Variants in SLC5A10 observed in about 807,000 individuals in gnomAD.
SLC5A10 encodes the protein solute carrier family 5 member 10, also known as sodium/mannose cotransporter SLC5A10.
In SLC5A10, 55 loss-of-function variants were observed where a neutral mutation model predicts 68.9. The observed-to-expected ratio is 0.80, with a 90% confidence interval of 0.64 to 1.00. The LOEUF (loss-of-function observed/expected upper bound fraction) is 1.00, where lower values mean the gene tolerates loss of function less well. SLC5A10 is among the 50% of genes least tolerant of loss of function. SLC5A10 has a pLI of 0.00. For missense variants in SLC5A10, 732 were observed against 819.3 expected, an observed-to-expected ratio of 0.89 and a Z score of 1.30; for synonymous variants, 344 against 344.8, an observed-to-expected ratio of 1.00 and a Z score of 0.02.
chr17:18,964,771 G>T (rs2042677427), intron 5 of SLC5A10, among the ~76,000 whole-genome samples: 1 of 152,202 alleles, frequency 6.6e-6, no homozygotes, highest in South Asian at 2.1e-4. Flanking sequence ...CAAGAGCGGA[G>T]AGGCAGTGGG....
intron 5 of SLC5A10, among the ~76,000 whole-genome samples, chr17:18,961,489 G>C (rs1597818430): frequency 6.6e-6 from 1 of 152,148 alleles, no homozygotes; most frequent in Non-Finnish European, 1.5e-5. Context: ...GTTGGTGGTA[G>C]CAATGGGCAG....
chr17:18,978,899 C>T (rs961440786), intron 9 of SLC5A10: 203 of 1,592,010 alleles, frequency 1.3e-4, no homozygotes, highest in Admixed American at 2.0e-4. Context: ...CCTGCTTCCT[C>T]CGCCCAGCCC....
chr17:19,014,316 C>T (rs907518028), intron 10 of SLC5A10, among the ~76,000 whole-genome samples: 2 of 152,190 alleles, frequency 1.3e-5, no homozygotes, highest in Non-Finnish European at 2.9e-5. Flanking sequence ...CCTTAGGGCT[C>T]CTCACCCTCA....
intron 8 of SLC5A10, among the ~76,000 whole-genome samples, chr17:18,973,352 C>A (rs1281626874): frequency 6.6e-6 from 1 of 152,216 alleles, no homozygotes; most frequent in Non-Finnish European, 1.5e-5. Flanking sequence ...ATAAGGAGCC[C>A]GAGGCCCAGA....
rs1258441488 is a variant in SLC5A10, at chr17:19,018,128, C to T, written c.1242-1295C>T. 1 of 152,348 alleles carries T rather than the reference C, an allele frequency of 6.6e-6. No individual in the cohort carries two copies. Among genetic ancestry groups the T allele is most frequent in the African/African-American group, 2.4e-5 (1 of 41,436 alleles). The allele number at this position is 152,348 out of a possible 1,614,324, so 9.4% of individuals were successfully genotyped here. ...CACCTCCTTCCTCCACCCTCTCCCT[C>T]AGGCCTAGAAGGGAAGAAAGGGAGG... On this transcript the variant is annotated intron_variant, in intron 11 of 14. Transcript: ENST00000395645. This position sits in a 1 kb window ranked among gnomAD's most constrained non-coding sequence, Gnocchi z 4.2.
upstream of SLC5A10, chr17:18,951,641 A>G (rs2042369977): frequency 1.3e-5 from 2 of 152,512 alleles, no homozygotes; most frequent in Admixed American, 1.3e-4. Context: ...GCAGGACTTT[A>G]TTGTCCGACA....
In SLC5A10 at chr17:19,021,928, G is replaced by T; in HGVS notation, c.*1497G>T. Reference sequence around the variant, plus strand: ...CTCTGGACCTCAGTTCCTGTAAAAAGGCCCGTTGGCCAGATCGGCCGCCGG... The same window carrying T: ...CTCTGGACCTCAGTTCCTGTAAAAATGCCCGTTGGCCAGATCGGCCGCCGG... On this transcript the variant is annotated 3_prime_UTR_variant, in exon 15 of 15. Transcript: ENST00000395645. The surrounding 1 kb of genome is among the most constrained non-coding windows in gnomAD (Gnocchi z 4.1). 6.8e-7 allele frequency: 1 copy of T among 1,469,526 alleles called. No individual in the cohort carries two copies. The highest frequency in any genetic ancestry group is 9.0e-7 in the Non-Finnish European group (1 of 1,111,032). 91.0% of individuals were successfully genotyped at this position (1,469,526 alleles called of 1,614,324 possible). A position where few individuals can be genotyped will look rare whatever the true frequency, so the allele number is the denominator to read the frequency against.
chr17:18,998,168 C>G (rs145952157), intron 9 of SLC5A10, among the ~76,000 whole-genome samples: 1 of 152,378 alleles, frequency 6.6e-6, no homozygotes, highest in African/African-American at 2.4e-5. Flanking sequence ...CAGGGCCTGC[C>G]AGGCTGGGGC....
rs1359592953 is a variant in SLC5A10 at position 19,020,333 on chromosome 17, C to A, written c.1693C>A (p.Gln565Lys). Residue 565 changes from glutamine (Q) to lysine (K), a missense_variant, in exon 15 of 15, where the codon CAA becomes AAA. Gln to Lys is a moderately conservative substitution (Grantham distance 53). Coordinates refer to ENST00000395645, the MANE Select transcript of SLC5A10 (RefSeq NM_001042450.4). ...VPLGTKAGDGQTPQKHAFWAR... is the reference protein window; with the variant it reads ...VPLGTKAGDGKTPQKHAFWAR... ...TCTGCAACCCCCTCCAGGTGATGGC[C>A]AAACACCCCAGAAACACGCCTTCTG... is the stretch of plus-strand genomic sequence containing the variant. 6.2e-7 allele frequency: 1 copy of A among 1,614,060 alleles called. No homozygotes were observed. The highest frequency in any genetic ancestry group is 8.5e-7 in the Non-Finnish European group (1 of 1,180,036).
intron 5 of SLC5A10, among the ~76,000 whole-genome samples, chr17:18,964,271 C>A (rs531151533): frequency 6.6e-6 from 1 of 152,290 alleles, no homozygotes; most frequent in South Asian, 2.1e-4. Context: ...GGGGTCAGCT[C>A]GTTTTTTCTG....
Position 19,019,942 on chromosome 17 carries a change from G to C in SLC5A10, c.1626+14G>C. On this transcript the variant is annotated intron_variant, in intron 13 of 14. Coordinates refer to ENST00000395645, the MANE Select transcript of SLC5A10 (RefSeq NM_001042450.4). ...CAGAGTGTCCAGGTGAGCCAGCCCT[G>C]ACCCCTGACCCTGACCCCTAACAAT... 1 of 1,587,448 alleles carries C rather than the reference G, an allele frequency of 6.3e-7. No individual in the cohort carries two copies. The highest frequency in any genetic ancestry group is 8.6e-7 in the Non-Finnish European group (1 of 1,167,410).
Position 19,019,403 on chromosome 17 carries a change from T to A in SLC5A10, c.1242-20T>A, listed in dbSNP as rs766116196. ...AGAGCCTCCCACGACGACCGCTGCC[T>A]GCCTTCCACTCGCCTGCAGGCTGGT... On this transcript the variant is annotated intron_variant, in intron 11 of 14. Transcript: ENST00000395645. The A allele has an allele frequency of 1.2e-6, 2 of 1,601,366 alleles. No homozygotes were observed. Among genetic ancestry groups the A allele is most frequent in the East Asian group, 2.2e-5 (1 of 44,694 alleles).
At chr17:19,010,239 A>G (rs917972159) in intron 9 of SLC5A10, among the ~76,000 whole-genome samples, 1 of 152,200 alleles carries the variant, frequency 6.6e-6, no homozygotes, top group African/African-American at 2.4e-5. Context: ...CAGTTCGCCT[A>G]ATAATCAAAC....
intron 5 of SLC5A10, 136 bp downstream of exon 5, chr17:18,960,788 A>T: frequency 1.1e-6 from 1 of 871,232 alleles, no homozygotes. Flanking sequence ...AGAGAGGGGC[A>T]ATGACTTGCC....
At chr17:18,969,247 A>G in intron 6 of SLC5A10, 90 bp downstream of exon 6, 1 of 1,576,996 alleles carries the variant, frequency 6.3e-7, no homozygotes, top group Non-Finnish European at 8.7e-7. Flanking sequence ...GGAGCAGCCC[A>G]GGAAGTGGCC....
At chr17:18,986,887 T>C (rs542791483) in intron 9 of SLC5A10, among the ~76,000 whole-genome samples, 3 of 152,364 alleles carry the variant, frequency 2.0e-5, no homozygotes, top group Admixed American at 2.0e-4. Context: ...ACACTGGCTC[T>C]CTCAGGCATG....
chr17:18,976,853 G>A lies in SLC5A10; in HGVS notation c.847-1G>A, dbSNP rs760047028. ...CACCCCGTCTCGCACTCCACCCCCA[G>A]GTCATCGTGCAGCGATCACTGTCAG... is the stretch of plus-strand genomic sequence containing the variant. On this transcript the variant is annotated splice_acceptor_variant, in intron 8 of 14. Transcript: ENST00000395645. LOFTEE classifies it high-confidence loss of function. 6.2e-7 allele frequency: 1 copy of A among 1,613,242 alleles called. No individual in the cohort carries two copies. Among genetic ancestry groups the A allele is most frequent in the East Asian group, 2.2e-5 (1 of 44,866 alleles).
rs763451815 is a variant in SLC5A10, at chr17:18,976,871, ACT to A, written c.865_866del (p.Leu289ValfsTer40). 5.0e-6 allele frequency: 8 copies of A among 1,613,494 alleles called. No individual in the cohort carries two copies. Among genetic ancestry groups the A allele is most frequent in the Non-Finnish European group, 6.8e-6 (8 of 1,179,964 alleles). ...CTDQVIVQRSLSARDLNHAKA... is the reference protein window; with the variant it reads ...CTDQVIVQRSXSARDLNHAKA... ...ACCCCCAGGTCATCGTGCAGCGATC[ACT>A]GTCAGCCCGGGACCTGAACCATGCC... On this transcript the variant is annotated frameshift_variant, in exon 9 of 15. Transcript: ENST00000395645. LOFTEE classifies it high-confidence loss of function.
intron 4 of SLC5A10, 25 bp from the exon 5 acceptor site, chr17:18,960,523 A>G: frequency 1.2e-6 from 2 of 1,604,270 alleles, no homozygotes; most frequent in Non-Finnish European, 1.7e-6. Flanking sequence ...GAGGATGCTT[A>G]GCCCCTACCC....
Sources: allele counts gnomAD v4.1 joint callset (sites outside exome capture counted in the v4.1 genomes callset), GRCh38; gene constraint gnomAD v4.1.1; non-coding constraint Gnocchi (gnomAD v3.1); transcripts MANE v1.5; gene names NCBI Gene and HGNC (gene_info 2026-07-23, HGNC 2026-07-21).